The following DIP2A variants were observed in gnomAD, a reference collection of about 807,000 sequenced individuals.
The protein encoded by DIP2A is DIP2 acetate--CoA ligase A, also known as disco-interacting protein 2 homolog A.
A neutral mutation model predicts 177.4 loss-of-function variants in DIP2A; 85 were observed. That is an observed-to-expected ratio of 0.48 (90% confidence interval 0.40 to 0.57). DIP2A has a LOEUF of 0.57. Ranked by LOEUF, DIP2A falls within the 20% of genes least tolerant of loss-of-function variation. The pLI is 0.00. For missense variants in DIP2A, 1,791 were observed against 2,100.2 expected, an observed-to-expected ratio of 0.85 and a Z score of 2.88; for synonymous variants, 886 against 881.8, an observed-to-expected ratio of 1.00 and a Z score of -0.08.
chr21:46,492,786 C>T (rs1432764110), intron 3 of DIP2A, among the ~76,000 whole-genome samples: 1 of 152,136 alleles, frequency 6.6e-6, no homozygotes, highest in Non-Finnish European at 1.5e-5. Flanking sequence ...ACTAAAAATA[C>T]AAAAATTAGT....
chr21:46,556,970 G>C lies in DIP2A; in HGVS notation c.3530G>C (p.Arg1177Pro). 1 of 1,594,024 alleles carries C rather than the reference G, an allele frequency of 6.3e-7. No individual in the cohort carries two copies. The highest frequency in any genetic ancestry group is 8.5e-7 in the Non-Finnish European group (1 of 1,169,776). ...MSHAATSALCRSIKLQCELYP... is the reference protein window; with the variant it reads ...MSHAATSALCPSIKLQCELYP... ...CACGCGGCCACAAGCGCCTTATGCC[G>C]CTCCATAAAGCTGCAGTGTGAGCTG... is the stretch of plus-strand genomic sequence containing the variant. Residue 1177 changes from arginine (R) to proline (P), a missense_variant, in exon 30 of 38, where the codon CGC becomes CCC. Physicochemically the swap from Arg to Pro is moderately radical, Grantham distance 103. Coordinates refer to ENST00000417564, the MANE Select transcript of DIP2A (RefSeq NM_015151.4). This position sits in a 1 kb window ranked among gnomAD's most constrained non-coding sequence, Gnocchi z 4.5.
chr21:46,553,243 A>C (rs901910472), intron 25 of DIP2A: 4 of 152,260 alleles, frequency 2.6e-5, no homozygotes, highest in Non-Finnish European at 4.4e-5. Flanking sequence ...TGGACACAGC[A>C]CATAAGTGCG....
In DIP2A at chr21:46,566,026, A is replaced by C. The variant is rs2060826423; in HGVS notation, c.4339+139A>C. 3 of 1,051,320 alleles carry C rather than the reference A, an allele frequency of 2.9e-6. No homozygotes were observed. In the Admixed American group the frequency reaches 7.2e-5, roughly 25 times the overall value. The allele number at this position is 1,051,320 out of a possible 1,614,324, so 65.1% of individuals were successfully genotyped here. ...CCTTGTGGGGGGAAGATGTTCTGAC[A>C]GCAGTTTTCTCTGAAAATACTGTTT... is the stretch of plus-strand genomic sequence containing the variant. On this transcript the variant is annotated intron_variant, in intron 36 of 37. Transcript: ENST00000417564.
Position 46,563,662 on chromosome 21 carries a change from G to C in DIP2A, c.4090-196G>C. On this transcript the variant is annotated intron_variant, in intron 34 of 37. Coordinates refer to ENST00000417564, the MANE Select transcript of DIP2A (RefSeq NM_015151.4). The surrounding 1 kb of genome is among the most constrained non-coding windows in gnomAD (Gnocchi z 4.3). ...CCTTCTCAGGAACTGGAGTCATTTT[G>C]CTTATTTCTATTAACATCTCTTATT... 1.0e-6 allele frequency: 1 copy of C among 1,000,918 alleles called. No individual in the cohort carries two copies. The highest frequency in any genetic ancestry group is 1.4e-6 in the Non-Finnish European group (1 of 719,390). 62.0% of individuals were successfully genotyped at this position (1,000,918 alleles called of 1,614,324 possible). A position where few individuals can be genotyped will look rare whatever the true frequency, so the allele number is the denominator to read the frequency against.
At chr21:46,490,575 G>T (rs1407377274) in intron 2 of DIP2A, 25 bp from the exon 3 acceptor site, 2 of 1,542,898 alleles carry the variant, frequency 1.3e-6, no homozygotes, top group Admixed American at 2.1e-5. Flanking sequence ...TTCACATAAG[G>T]TATTCCCATA....
In DIP2A at chr21:46,532,240, A is replaced by G; in HGVS notation, c.1305+3A>G. ...TAGAAGTGCCATTAACAAGAAAGGTAGCAAACCCATGGCTCAGGTCCCGTG... is the reference window on the plus strand; with the variant it reads ...TAGAAGTGCCATTAACAAGAAAGGTGGCAAACCCATGGCTCAGGTCCCGTG... On this transcript the variant is annotated splice_donor_region_variant and intron_variant, in intron 10 of 37. Transcript: ENST00000417564. 1 of 1,613,246 alleles carries G rather than the reference A, an allele frequency of 6.2e-7. No homozygotes were observed. Among genetic ancestry groups the G allele is most frequent in the Non-Finnish European group, 8.5e-7 (1 of 1,179,336 alleles).
At chr21:46,460,720 G>C (rs1601275863) in intron 1 of DIP2A, among the ~76,000 whole-genome samples, 1 of 151,680 alleles carries the variant, frequency 6.6e-6, no homozygotes, top group Non-Finnish European at 1.5e-5. Context: ...TTGAGACGGA[G>C]TCTTGCTCTG....
At chr21:46,521,957 C>CG (rs2058842348) in intron 8 of DIP2A, among the ~76,000 whole-genome samples, 1 of 44 alleles carries the variant, frequency 0.023, no homozygotes, top group East Asian at 0.5. Flanking sequence ...GCACATTTCA[C>CG]ACTTGCAGGT....
At chr21:46,477,548 T>TGTGTGTGTGTGTGTGTGA in intron 1 of DIP2A, among the ~76,000 whole-genome samples, 1 of 130,364 alleles carries the variant, frequency 7.7e-6, no homozygotes, top group Non-Finnish European at 1.7e-5. Flanking sequence ...AAGATTTGTG[T>TGTGTGTGTGTGTGTGTGA]GTGTGTGTGT....
In DIP2A at chr21:46,567,752, A is replaced by C; in HGVS notation, c.*130A>C. ...GTGCTCTTACAGATCCCTCTCAACA[A>C]TCCCCGCATCTCCTTTTAGAAAGCA... On this transcript the variant is annotated 3_prime_UTR_variant, in exon 38 of 38. Transcript: ENST00000417564. 2 of 1,074,304 alleles carry C rather than the reference A, an allele frequency of 1.9e-6. No individual in the cohort carries two copies. Among genetic ancestry groups the C allele is most frequent in the Non-Finnish European group, 2.6e-6 (2 of 779,534 alleles). The allele number at this position is 1,074,304 out of a possible 1,614,324, so 66.5% of individuals were successfully genotyped here.
intron 32 of DIP2A, among the ~76,000 whole-genome samples, chr21:46,559,699 GTTTGCTCTTTAAGATACAGAGGTGGGT>G (rs1569112641): frequency 6.6e-6 from 1 of 152,226 alleles, no homozygotes; most frequent in East Asian, 1.9e-4. Context: ...GGATGTTCAC[GTTTGCTCTTTAAGATACAGAGGTGGGT>G]TTTGCTCTCT....
chr21:46,459,521 T>A (rs1176426798), intron 1 of DIP2A, among the ~76,000 whole-genome samples: 4 of 5,060 alleles, frequency 7.9e-4, no homozygotes, highest in African/African-American at 3.1e-3. Context: ...CCCCGGGAAC[T>A]CCCGCCCCTC....
chr21:46,572,627 C>T (rs1235554256), downstream of DIP2A, among the ~76,000 whole-genome samples: 1 of 152,186 alleles, frequency 6.6e-6, no homozygotes, highest in Non-Finnish European at 1.5e-5. Context: ...ATGCCCTGCA[C>T]TACCTTGGGA....
downstream of DIP2A, among the ~76,000 whole-genome samples, chr21:46,573,044 C>T (rs1247672741): frequency 6.6e-6 from 1 of 151,860 alleles, no homozygotes; most frequent in Non-Finnish European, 1.5e-5. Context: ...GATGAAATCA[C>T]CTAAAAACAC....
chr21:46,485,983 A>G (rs1022522896), intron 2 of DIP2A, among the ~76,000 whole-genome samples: 1 of 149,812 alleles, frequency 6.7e-6, no homozygotes, highest in Non-Finnish European at 1.5e-5. Flanking sequence ...AGACAGGAGA[A>G]TCACTTGAAC....
At chr21:46,500,722 C>T (rs1357498418) in intron 5 of DIP2A, among the ~76,000 whole-genome samples, 3 of 152,198 alleles carry the variant, frequency 2.0e-5, no homozygotes, top group Non-Finnish European at 2.9e-5. Context: ...AATGTTTAAC[C>T]GTACAGCCCT....
intron 8 of DIP2A, among the ~76,000 whole-genome samples, chr21:46,526,493 CA>C (rs1263562127): frequency 6.6e-6 from 1 of 151,506 alleles, no homozygotes; most frequent in Non-Finnish European, 1.5e-5. Flanking sequence ...CTCCTGGATT[CA>C]AGCAATTCTC....
rs538589009 is a variant in DIP2A, at chr21:46,485,848, G to A, written c.163+1020G>A. ...AGCACTTTGGGAGGCTGAGGTGGGGGGATCATGAGGTCAGGAGTTCAAGAC... is the reference window on the plus strand; with the variant it reads ...AGCACTTTGGGAGGCTGAGGTGGGGAGATCATGAGGTCAGGAGTTCAAGAC... On this transcript the variant is annotated intron_variant, in intron 2 of 37. Coordinates refer to ENST00000417564, the MANE Select transcript of DIP2A (RefSeq NM_015151.4). 4.6e-5 allele frequency among the ~76,000 whole-genome samples: 7 copies of A among 152,000 alleles called. No homozygotes were observed. In the South Asian group the frequency reaches 1.3e-3, roughly 27 times the overall value.
chr21:46,548,747 T>C (rs914458560), intron 21 of DIP2A, among the ~76,000 whole-genome samples: 1 of 142,352 alleles, frequency 7.0e-6, no homozygotes, highest in Non-Finnish European at 1.5e-5. Context: ...ATATGTTTAG[T>C]GGTGGTTAGG....
Sources: allele counts gnomAD v4.1 joint callset (sites outside exome capture counted in the v4.1 genomes callset), GRCh38; gene constraint gnomAD v4.1.1; non-coding constraint Gnocchi (gnomAD v3.1); transcripts MANE v1.5; gene names NCBI Gene and HGNC (gene_info 2026-07-23, HGNC 2026-07-21).